Variants in MANBAL observed in about 807,000 individuals in gnomAD.
The protein encoded by MANBAL is protein MANBAL.
In MANBAL, 1 loss-of-function variant was observed where a neutral mutation model predicts 6.4. The observed-to-expected ratio is 0.16, with a 90% CI of 0.06 to 0.74. The LOEUF (loss-of-function observed/expected upper bound fraction) is 0.74, where lower values mean the gene tolerates loss of function less well. Among genes scored for constraint, MANBAL ranks in the 30% least tolerant of loss-of-function variants. The pLI, the probability that MANBAL is intolerant of heterozygous loss-of-function variation, is 0.78. For missense variants in MANBAL, 100 were observed against 107.8 expected, an observed-to-expected ratio of 0.93 and a Z score of 0.32; for synonymous variants, 47 against 45.8, an observed-to-expected ratio of 1.03 and a Z score of -0.10.
intron 1 of MANBAL, chr20:37,296,882 A>G (rs918225309): frequency 6.6e-6 from 1 of 152,202 alleles, no homozygotes; most frequent in Non-Finnish European, 1.5e-5. Context: ...CTACTTGCAG[A>G]TAGAGCAGGG....
chr20:37,301,290 T>G lies in MANBAL; in HGVS notation c.27T>G (p.Pro9=), dbSNP rs1422695287. The G allele has an allele frequency of 5.6e-6, 9 of 1,610,592 alleles. No individual in the cohort carries two copies. The highest frequency in any genetic ancestry group is 7.6e-6 in the Non-Finnish European group (9 of 1,177,696). Residue 9 remains proline, a synonymous_variant, in exon 2 of 3, where the codon CCT becomes CCG. Coordinates refer to ENST00000373606, the MANE Select transcript of MANBAL (RefSeq NM_001003897.2). ...TGGCCTCTGACCTAGACTTCTCACC[T>G]CCGGAGGTGCCCGAGCCCACTTTCC... MASDLDFS[P]PEVPEPTFLE... is the part of the protein sequence containing the mutation.
intron 2 of MANBAL, among the ~76,000 whole-genome samples, chr20:37,310,517 G>C (rs990687550): frequency 6.6e-6 from 1 of 152,176 alleles, no homozygotes; most frequent in Non-Finnish European, 1.5e-5. Flanking sequence ...GGAAAGAGTG[G>C]CCTGCGTAGA....
chr20:37,315,144 C>T (rs1035526668), intron 2 of MANBAL, among the ~76,000 whole-genome samples: 4 of 152,234 alleles, frequency 2.6e-5, no homozygotes, highest in African/African-American at 7.2e-5. Context: ...CTCAGCCCCT[C>T]ACTGCCATGA....
intron 2 of MANBAL, among the ~76,000 whole-genome samples, chr20:37,309,565 T>C (rs1331224142): frequency 6.6e-6 from 1 of 152,038 alleles, no homozygotes; most frequent in Non-Finnish European, 1.5e-5. Flanking sequence ...AGTGGTGGCT[T>C]TCAATATGAT....
chr20:37,297,959 G>A (rs1408886003), intron 1 of MANBAL, among the ~76,000 whole-genome samples: 6 of 152,122 alleles, frequency 3.9e-5, no homozygotes, highest in African/African-American at 1.4e-4. Context: ...AGGTCTTTAG[G>A]ATTGTCTCTA....
intron 2 of MANBAL, among the ~76,000 whole-genome samples, chr20:37,314,891 G>GC (rs1282685002): frequency 2.0e-5 from 3 of 152,238 alleles, no homozygotes; most frequent in Admixed American, 2.0e-4. Flanking sequence ...TGGGCCACGG[G>GC]CCAATGGGGC....
At chr20:37,311,699 C>T (rs1490717084) in intron 2 of MANBAL, among the ~76,000 whole-genome samples, 1 of 152,148 alleles carries the variant, frequency 6.6e-6, no homozygotes, top group Non-Finnish European at 1.5e-5. Context: ...GTTGGTCAGG[C>T]TGGTCTTGAA....
intron 2 of MANBAL, among the ~76,000 whole-genome samples, chr20:37,307,322 G>A (rs1341203263): frequency 6.6e-6 from 1 of 152,136 alleles, no homozygotes; most frequent in Non-Finnish European, 1.5e-5. Context: ...CACTACTCAA[G>A]TCTTTAGATA....
chr20:37,297,809 A>AT (rs1221941830), intron 1 of MANBAL, among the ~76,000 whole-genome samples: 2 of 151,754 alleles, frequency 1.3e-5, no homozygotes, highest in Admixed American at 1.3e-4. Flanking sequence ...TGTCCGGCTA[A>AT]TTTTTTTGTA....
Position 37,301,215 on chromosome 20 carries a change from T to C in MANBAL, c.-49T>C. 1 of 1,488,254 alleles carries C rather than the reference T, an allele frequency of 6.7e-7. No homozygotes were observed. Among genetic ancestry groups the C allele is most frequent in the Non-Finnish European group, 9.0e-7 (1 of 1,112,158 alleles). 92.2% of individuals were successfully genotyped at this position (1,488,254 alleles called of 1,614,324 possible). A position where few individuals can be genotyped will look rare whatever the true frequency, so the allele number is the denominator to read the frequency against. Reference sequence around the variant, plus strand: ...ACCCTTTGCATTTACAAGTTGGTTCTAAAGAGTGGTGAGTCAGAAGAGACG... The same window carrying C: ...ACCCTTTGCATTTACAAGTTGGTTCCAAAGAGTGGTGAGTCAGAAGAGACG... On this transcript the variant is annotated 5_prime_UTR_variant, in exon 2 of 3. Transcript: ENST00000373606.
intron 2 of MANBAL, among the ~76,000 whole-genome samples, chr20:37,314,684 G>C (rs180865114): frequency 1.2e-4 from 19 of 152,238 alleles, no homozygotes; most frequent in African/African-American, 4.3e-4. Context: ...GGGAGGGGAA[G>C]CCCTCCAGTT....
chr20:37,302,300 A>T (rs1318855466), intron 2 of MANBAL: 1 of 1,550,486 alleles, frequency 6.4e-7, no homozygotes, highest in Non-Finnish European at 8.7e-7. Context: ...TAGAGGCCTG[A>T]TTCCATTCCA....
chr20:37,316,486 G>A lies in MANBAL; in HGVS notation c.*71G>A, dbSNP rs1486168613. On this transcript the variant is annotated 3_prime_UTR_variant, in exon 3 of 3. Transcript: ENST00000373606. The stretch of plus-strand genomic sequence containing the variant: ...GACAGCCCTCCTGGGAATCTACATT[G>A]TGTTCCCCCGCATTCCAGGCTCAGG... The A allele has an allele frequency of 1.1e-5, 15 of 1,341,506 alleles. No homozygotes were observed. The highest frequency in any genetic ancestry group is 1.5e-5 in the Non-Finnish European group (14 of 961,524). 83.1% of individuals were successfully genotyped at this position (1,341,506 alleles called of 1,614,324 possible). A position where few individuals can be genotyped will look rare whatever the true frequency, so the allele number is the denominator to read the frequency against.
At chr20:37,308,753 C>T (rs1403591324) in intron 2 of MANBAL, among the ~76,000 whole-genome samples, 2 of 152,168 alleles carry the variant, frequency 1.3e-5, no homozygotes, top group Non-Finnish European at 2.9e-5. Context: ...GATTTCTACA[C>T]AGAGTGTTGA....
At position 37,306,004 on chromosome 20, in the gene MANBAL, A is replaced by G. The variant is rs144883448; in HGVS notation, c.150+4591A>G. 5.7e-3 allele frequency among the ~76,000 whole-genome samples: 874 copies of G among 152,082 alleles called. 11 individuals carry two copies. The highest frequency in any genetic ancestry group is 0.02 in the African/African-American group (819 of 41,472). On this transcript the variant is annotated intron_variant, in intron 2 of 2. Transcript: ENST00000373606. Reference sequence around the variant, plus strand: ...GAAAGAAGGGGGTTTTAACATGGGGACGGGGTACTCTTAGGGAGAAAGGGA... The same window carrying G: ...GAAAGAAGGGGGTTTTAACATGGGGGCGGGGTACTCTTAGGGAGAAAGGGA...
chr20:37,305,756 C>T (rs1017858052), intron 2 of MANBAL, among the ~76,000 whole-genome samples: 6 of 149,688 alleles, frequency 4.0e-5, no homozygotes, highest in African/African-American at 7.4e-5. Context: ...TTTTTACTGG[C>T]GCATCAGGGG....
Position 37,317,111 on chromosome 20 carries a change from C to A in MANBAL, c.*696C>A, listed in dbSNP as rs1191606227. The A allele has an allele frequency of 6.5e-6, 1 of 152,688 alleles. No homozygotes were observed. The highest frequency in any genetic ancestry group is 2.4e-5 in the African/African-American group (1 of 41,444). 9.5% of individuals were successfully genotyped at this position (152,688 alleles called of 1,614,324 possible). A position where few individuals can be genotyped will look rare whatever the true frequency, so the allele number is the denominator to read the frequency against. On this transcript the variant is annotated 3_prime_UTR_variant, in exon 3 of 3. Coordinates refer to ENST00000373606, the MANE Select transcript of MANBAL (RefSeq NM_001003897.2). The stretch of plus-strand genomic sequence containing the variant: ...AATGGGAGGCTCGTCAATTTCAGAC[C>A]AACCTCTTTTCAACCCATCATAGCA...
intron 2 of MANBAL, among the ~76,000 whole-genome samples, chr20:37,305,358 T>C (rs75910986): frequency 0.057 from 8,705 of 152,206 alleles, 460 homozygotes; most frequent in African/African-American, 0.14. Context: ...TCCTGTTGTG[T>C]TTGAAGCCCT....
chr20:37,301,119 G>A (rs1053452233), intron 1 of MANBAL, 89 bp from the exon 2 acceptor site: 4 of 803,348 alleles, frequency 5.0e-6, no homozygotes. Context: ...CTGGGCGACA[G>A]AGTGAGACTC....
Sources: gnomAD v4.1 joint callset for allele counts (sites outside exome capture counted in the v4.1 genomes callset) on GRCh38, gnomAD v4.1.1 for gene constraint, MANE v1.5 for transcripts, NCBI Gene and HGNC (gene_info 2026-07-23, HGNC 2026-07-21) for gene names.